The following CACNA1C variants were observed in gnomAD, a reference collection of about 807,000 sequenced individuals.
CACNA1C encodes the protein calcium voltage-gated channel subunit alpha1 C, also known as voltage-dependent L-type calcium channel subunit alpha-1C.
In CACNA1C, 30 loss-of-function variants were observed where a neutral mutation model predicts 229.0. That is an observed-to-expected ratio of 0.13 (90% CI 0.10 to 0.18). The LOEUF is 0.18. Among genes scored for constraint, CACNA1C ranks in the 10% least tolerant of loss-of-function variants. The probability of loss-of-function intolerance (pLI) is 1.00; values close to 1 mark genes in which losing one functional copy is unlikely to be tolerated. For missense variants in CACNA1C, 1,658 were observed against 2,845.0 expected, an observed-to-expected ratio of 0.58 and a Z score of 9.49; for synonymous variants, 1,114 against 1,132.5, an observed-to-expected ratio of 0.98 and a Z score of 0.33.
At chr12:2,368,065 A>G (rs1279841838) in intron 3 of CACNA1C, among the ~76,000 whole-genome samples, 1 of 152,244 alleles carries the variant, frequency 6.6e-6, no homozygotes, top group African/African-American at 2.4e-5. Flanking sequence ...ATTTAATACT[A>G]TAATATATCA....
chr12:2,077,236 C>T (rs990861309), intron 1 of CACNA1C, among the ~76,000 whole-genome samples: 2 of 152,144 alleles, frequency 1.3e-5, no homozygotes, highest in African/African-American at 4.8e-5. Flanking sequence ...AATGGGGTAT[C>T]CCACATATAA....
chr12:1,985,035 TAA>T (rs796830744), intron 1 of CACNA1C, among the ~76,000 whole-genome samples: 9 of 142,364 alleles, frequency 6.3e-5, no homozygotes, highest in Admixed American at 7.1e-5. Context: ...CTTTCAAGAT[TAA>T]AAAAAAAAAA....
chr12:2,333,722 C>G (rs10491962), intron 3 of CACNA1C, among the ~76,000 whole-genome samples: 4,295 of 152,248 alleles, frequency 0.028, 136 homozygotes, highest in African/African-American at 0.07. Flanking sequence ...TGAATCAACA[C>G]AAAATGAATC....
intron 3 of CACNA1C, among the ~76,000 whole-genome samples, chr12:2,369,717 T>A (rs1366373940): frequency 1.3e-5 from 2 of 152,206 alleles, no homozygotes; most frequent in Non-Finnish European, 2.9e-5. Flanking sequence ...ATACCTATCT[T>A]ATACATTTAG....
intron 3 of CACNA1C, among the ~76,000 whole-genome samples, chr12:2,445,169 C>A (rs201512166): frequency 6.6e-6 from 1 of 152,210 alleles, no homozygotes; most frequent in East Asian, 1.9e-4. Context: ...CTCCCTACCC[C>A]CAGCACCTAA....
chr12:2,616,107 C>T (rs994241842), intron 29 of CACNA1C, among the ~76,000 whole-genome samples: 6 of 152,206 alleles, frequency 3.9e-5, no homozygotes, highest in African/African-American at 1.4e-4. Flanking sequence ...ATCCAAGTCT[C>T]GGTCTCCCTT....
chr12:2,547,390 C>A, intron 9 of CACNA1C: 1 of 771,280 alleles, frequency 1.3e-6, no homozygotes, highest in Non-Finnish European at 2.4e-6. Flanking sequence ...TGGCTGACTG[C>A]GTGTGCTCTA....
chr12:2,547,470 C>G, intron 9 of CACNA1C: 1 of 779,714 alleles, frequency 1.3e-6, no homozygotes, highest in Non-Finnish European at 2.4e-6. Flanking sequence ...GGCGGGCATG[C>G]TTGATCAGAA....
At chr12:2,395,772 G>C (rs950881924) in intron 3 of CACNA1C, among the ~76,000 whole-genome samples, 2 of 152,164 alleles carry the variant, frequency 1.3e-5, no homozygotes, top group African/African-American at 4.8e-5. Flanking sequence ...TCTGAGAAAA[G>C]GTAGCCGAAC....
At chr12:2,298,116 C>T (rs771254247) in intron 3 of CACNA1C, among the ~76,000 whole-genome samples, 8 of 152,172 alleles carry the variant, frequency 5.3e-5, no homozygotes, top group Non-Finnish European at 8.8e-5. Flanking sequence ...GTGCTTGGTG[C>T]GGCAACTCAA....
At chr12:2,019,347 C>T (rs7967037) in intron 1 of CACNA1C, among the ~76,000 whole-genome samples, 120,305 of 151,846 alleles carry the variant, frequency 0.79, 47,879 homozygotes, top group East Asian at 0.93. Flanking sequence ...GCCTGTAGTC[C>T]CAGCCACTCA....
intron 3 of CACNA1C, among the ~76,000 whole-genome samples, chr12:2,137,271 C>A (rs2093632464): frequency 6.6e-6 from 1 of 151,282 alleles, no homozygotes; most frequent in Admixed American, 6.6e-5. Context: ...GGTGGCACGG[C>A]CTTGTCACTT....
chr12:2,095,099 G>A (rs1401780736), intron 1 of CACNA1C, among the ~76,000 whole-genome samples: 1 of 152,086 alleles, frequency 6.6e-6, no homozygotes, highest in African/African-American at 2.4e-5. Context: ...CGGGAACTTA[G>A]GGCTCCTGCT....
rs369955518 is a variant in CACNA1C at position 2,667,538 on chromosome 12, AAC to A, written c.4623+758_4623+759del. On this transcript the variant is annotated intron_variant, in intron 37 of 46. Coordinates refer to ENST00000399655, the MANE Select transcript of CACNA1C (RefSeq NM_000719.7). The stretch of plus-strand genomic sequence containing the variant: ...CTCCACTTTGCTCCAAAAACAAACA[AAC>A]AACAACAACAACAAAAACAGATTTT... 9.0e-4 allele frequency among the ~76,000 whole-genome samples: 136 copies of A among 151,180 alleles called. 1 individual carries two copies. Among genetic ancestry groups the A allele is most frequent in the African/African-American group, 3.1e-3 (126 of 40,526 alleles).
intron 1 of CACNA1C, among the ~76,000 whole-genome samples, chr12:2,000,434 T>A (rs2041924421): frequency 1.3e-5 from 2 of 152,114 alleles, no homozygotes. Flanking sequence ...TTGTTTCCTT[T>A]CTTCCTTGAT....
At chr12:1,994,486 G>A (rs2040314600) in intron 1 of CACNA1C, among the ~76,000 whole-genome samples, 1 of 152,178 alleles carries the variant, frequency 6.6e-6, no homozygotes, top group Admixed American at 6.5e-5. Context: ...TTACAAAGGG[G>A]TAAAGTGGTG....
intron 1 of CACNA1C, among the ~76,000 whole-genome samples, chr12:2,025,891 C>A (rs1427099409): frequency 6.6e-6 from 1 of 152,202 alleles, no homozygotes; most frequent in Non-Finnish European, 1.5e-5. Flanking sequence ...ACAGAGCAGA[C>A]AAAGACAAAT....
rs907138641 is a variant in CACNA1C at position 2,141,436 on chromosome 12, G to C, written c.477+21006G>C. Among the ~76,000 whole-genome samples the C allele has an allele frequency of 1.3e-5, 2 of 151,246 alleles. 1 individual carries two copies. The highest frequency in any genetic ancestry group is 3.0e-5 in the Non-Finnish European group (2 of 67,598). On this transcript the variant is annotated intron_variant, in intron 3 of 46. Transcript: ENST00000399655. ...AGCTGCCATTTCTTGAAGGGAAGTC[G>C]GTCATGGAAACATGTCAAAGGGACC...
chr12:2,464,375 C>A (rs939406360), intron 5 of CACNA1C, among the ~76,000 whole-genome samples: 3 of 152,122 alleles, frequency 2.0e-5, no homozygotes, highest in Admixed American at 2.0e-4. Context: ...TCTGGACCTC[C>A]CAGTCCAGAC....
Sources: gnomAD v4.1 joint callset for allele counts (sites outside exome capture counted in the v4.1 genomes callset) on GRCh38, gnomAD v4.1.1 for gene constraint, MANE v1.5 for transcripts, NCBI Gene and HGNC (gene_info 2026-07-23, HGNC 2026-07-21) for gene names.